Variants in SYNC observed in about 807,000 individuals in gnomAD.
The protein encoded by SYNC is syncoilin, intermediate filament protein.
In SYNC, 38 loss-of-function variants were observed where a neutral mutation model predicts 49.5. The observed-to-expected ratio is 0.77, with a 90% CI of 0.59 to 1.01. SYNC has a LOEUF of 1.01. Among genes scored for constraint, SYNC ranks in the 50% least tolerant of loss-of-function variants. The pLI is 0.00. For synonymous variants in SYNC, 201 were observed against 230.8 expected (o/e 0.87, Z 1.17); for missense variants, 579 against 580.6 (o/e 1.00, Z 0.03).
At position 32,681,612 on chromosome 1, in the gene SYNC, GATCAGTAT is replaced by G; in HGVS notation, c.*230_*237del. 1.6e-6 allele frequency: 1 copy of G among 612,412 alleles called. No homozygotes were observed. Among genetic ancestry groups the G allele is most frequent in the South Asian group, 2.1e-5 (1 of 48,756 alleles). The allele number at this position is 612,412 out of a possible 1,614,324, so 37.9% of individuals were successfully genotyped here. ...ATCTTTCCTTTCCTTGGTGCATTGA[GATCAGTAT>G]CAACAGCAGATGAAATAGAATCCAG... On this transcript the variant is annotated 3_prime_UTR_variant, in exon 5 of 5. Coordinates refer to ENST00000409190, the MANE Select transcript of SYNC (RefSeq NM_030786.3).
intron 2 of SYNC, among the ~76,000 whole-genome samples, chr1:32,689,467 C>T (rs1265176191): frequency 6.6e-6 from 1 of 151,588 alleles, no homozygotes; most frequent in East Asian, 2.0e-4. Flanking sequence ...TCTTGAACTC[C>T]TGACCTTGTG....
At chr1:32,701,579 G>A (rs1025415709) in intron 1 of SYNC, among the ~76,000 whole-genome samples, 1 of 152,172 alleles carries the variant, frequency 6.6e-6, no homozygotes, top group Non-Finnish European at 1.5e-5. Context: ...AGCACACATC[G>A]TGCTGCCTCC....
At chr1:32,697,387 G>A (rs547623366) in intron 1 of SYNC, among the ~76,000 whole-genome samples, 52 of 151,102 alleles carry the variant, frequency 3.4e-4, no homozygotes, top group Non-Finnish European at 6.8e-4. Context: ...GCAGTGAGAC[G>A]AGATTGCACC....
chr1:32,693,359 A>G (rs1182975379), intron 2 of SYNC, among the ~76,000 whole-genome samples: 14 of 152,228 alleles, frequency 9.2e-5, no homozygotes. Flanking sequence ...TGCTGGGATT[A>G]CAGGCGTGAG....
At chr1:32,692,449 A>T (rs1415782371) in intron 2 of SYNC, among the ~76,000 whole-genome samples, 1 of 152,190 alleles carries the variant, frequency 6.6e-6, no homozygotes, top group Non-Finnish European at 1.5e-5. Flanking sequence ...TGAAGAGTTT[A>T]AAAACATTCA....
intron 2 of SYNC, among the ~76,000 whole-genome samples, chr1:32,692,017 G>C (rs1052243201): frequency 6.6e-6 from 1 of 152,086 alleles, no homozygotes; most frequent in African/African-American, 2.4e-5. Context: ...CGGATCACAA[G>C]ATCAGGAGAT....
chr1:32,694,626 C>T (rs1268190410), intron 2 of SYNC, among the ~76,000 whole-genome samples: 2 of 151,640 alleles, frequency 1.3e-5, no homozygotes, highest in Admixed American at 1.3e-4. Flanking sequence ...TGCACTCTAG[C>T]CTGGGCGACA....
chr1:32,695,761 T>C lies in SYNC; in HGVS notation c.337A>G (p.Thr113Ala). 1 of 1,551,636 alleles carries C rather than the reference T, an allele frequency of 6.4e-7. No individual in the cohort carries two copies. ...ACAAACTGTATCCGATCTGGCTCCG[T>C]GGTTTCCTCCACACACACTGTCTCC... ...PEETVCVEET[T>A]EPDRIQFVEG... Residue 113 changes from threonine to alanine, a missense_variant, in exon 2 of 5, where the codon ACG (threonine) becomes GCG (alanine). By Grantham distance (58) the Thr-to-Ala change is moderately conservative. Coordinates refer to ENST00000409190, the MANE Select transcript of SYNC (RefSeq NM_030786.3).
intron 1 of SYNC, among the ~76,000 whole-genome samples, chr1:32,697,302 G>A (rs902807281): frequency 4.6e-5 from 7 of 151,618 alleles, no homozygotes; most frequent in African/African-American, 1.2e-4. Context: ...TTAGCCGGGC[G>A]TGGTGGTGCA....
At position 32,695,797 on chromosome 1, in the gene SYNC, C is replaced by T. The variant is rs1265154115; in HGVS notation, c.301G>A (p.Gly101Arg). The T allele has an allele frequency of 1.9e-6, 3 of 1,551,742 alleles. No homozygotes were observed. The highest frequency in any genetic ancestry group is 2.6e-6 in the Non-Finnish European group (3 of 1,147,008). The change falls in exon 2 of 5, where the codon GGG becomes AGG. Residue 101 changes from glycine (G) to arginine (R), a missense_variant. By Grantham distance (125) the Gly-to-Arg change is moderately radical (BLOSUM62 -2). Coordinates refer to ENST00000409190, the MANE Select transcript of SYNC (RefSeq NM_030786.3). ...PDEALHVEEPGNPEETVCVEE... is the reference protein window; with the variant it reads ...PDEALHVEEPRNPEETVCVEE... ...ACACACACTGTCTCCTCTGGATTCC[C>T]AGGCTCCTCCACATGCAGAGCCTCA...
chr1:32,694,498 C>CA (rs1650309241), intron 2 of SYNC, among the ~76,000 whole-genome samples: 1 of 151,440 alleles, frequency 6.6e-6, no homozygotes, highest in Admixed American at 6.6e-5. Context: ...ACTAAAAATA[C>CA]AAAAAAATAG....
At chr1:32,687,863 T>TATTATTATTATTATTATTTTA (rs1557871715) in intron 2 of SYNC, among the ~76,000 whole-genome samples, 1 of 148,140 alleles carries the variant, frequency 6.8e-6, no homozygotes, top group Non-Finnish European at 1.5e-5. Flanking sequence ...TTATTATTAT[T>TATTATTATTATTATTATTTTA]TTTTGAGATG....
intron 2 of SYNC, chr1:32,685,722 C>G (rs1649778419): frequency 6.6e-6 from 1 of 152,200 alleles, no homozygotes; most frequent in Admixed American, 6.6e-5. Flanking sequence ...CACTACCTAC[C>G]AGACCCGTTG....
At chr1:32,699,728 C>CTTTTTTTTT (rs58903413) in intron 1 of SYNC, among the ~76,000 whole-genome samples, 1 of 125,980 alleles carries the variant, frequency 7.9e-6, no homozygotes, top group Non-Finnish European at 1.8e-5. Flanking sequence ...CCAAACATAC[C>CTTTTTTTTT]TTTTTTTTTT....
intron 1 of SYNC, among the ~76,000 whole-genome samples, chr1:32,698,565 G>A (rs775557746): frequency 6.6e-6 from 1 of 152,050 alleles, no homozygotes; most frequent in Non-Finnish European, 1.5e-5. Flanking sequence ...AACATTTCTT[G>A]TTTCTGTAAA....
At chr1:32,684,156 A>G (rs1033330699) in intron 3 of SYNC, 67 bp from the exon 4 acceptor site, 1 of 1,606,726 alleles carries the variant, frequency 6.2e-7, no homozygotes, top group Non-Finnish European at 8.5e-7. Context: ...CATTTCCCAA[A>G]TCCTCTTTTT....
chr1:32,682,643 C>T (rs1266789368), intron 4 of SYNC: 1 of 151,244 alleles, frequency 6.6e-6, no homozygotes, highest in African/African-American at 2.4e-5. Context: ...TGGTGGCATG[C>T]TCCTGTAGTC....
At chr1:32,682,419 C>T (rs1239459912) in intron 4 of SYNC, 1 of 135,600 alleles carries the variant, frequency 7.4e-6, no homozygotes, top group African/African-American at 2.8e-5. Context: ...CCCGACCCCC[C>T]ATCTCTACTA....
rs562132736 is a variant in SYNC, at chr1:32,695,151, T to C, written c.947A>G (p.His316Arg). 4.4e-6 allele frequency: 7 copies of C among 1,601,808 alleles called. No individual in the cohort carries two copies. In the African/African-American group the frequency reaches 8.0e-5, roughly 18 times the overall value. Residue 316 changes from histidine to arginine, a missense_variant, in exon 2 of 5, where the codon CAC becomes CGC. Transcript: ENST00000409190. The part of the protein sequence containing the change: ...LEAPPSQRDG[H>R]FLQESRRLSA... ...GAGTCGCCGGCTTTCCTGGAGAAAG[T>C]GCCCATCCCTCTGGCTTGGAGGGGC...
Sources: gnomAD v4.1 joint callset for allele counts (sites outside exome capture counted in the v4.1 genomes callset) on GRCh38, gnomAD v4.1.1 for gene constraint, MANE v1.5 for transcripts, NCBI Gene and HGNC (gene_info 2026-07-23, HGNC 2026-07-21) for gene names.